PDE7B: variants seen among roughly 807,000 people sequenced by gnomAD.
The protein encoded by PDE7B is 3',5'-cyclic-AMP phosphodiesterase 7B.
Under a neutral mutation model 56.2 loss-of-function variants are expected in PDE7B, and 29 were observed. The observed-to-expected ratio is 0.52, with a 90% CI of 0.38 to 0.70. PDE7B has a LOEUF of 0.70. Ranked by LOEUF, PDE7B falls within the 30% of genes least tolerant of loss-of-function variation. PDE7B has a pLI of 0.00. For missense variants in PDE7B, 490 were observed against 565.0 expected (o/e 0.87, Z 1.35); for synonymous variants, 197 against 196.9 (o/e 1.00, Z 0.00).
intron 6 of PDE7B, among the ~76,000 whole-genome samples, chr6:136,152,722 T>C (rs1353687051): frequency 6.6e-6 from 1 of 152,264 alleles, no homozygotes; most frequent in Non-Finnish European, 1.5e-5. Context: ...TGGCTTCTTT[T>C]TGACTTGCCA....
rs529512235 is a variant in PDE7B at position 136,129,901 on chromosome 6, T to C, written c.167-17450T>C. Among the ~76,000 whole-genome samples, 8 of 152,318 alleles carry C rather than the reference T, an allele frequency of 5.3e-5. No homozygotes were observed. In the South Asian group the frequency reaches 1.7e-3, roughly 32 times the overall value. Reference sequence around the variant, plus strand: ...GCAAGAGAAACCTCAGTGCCAACAGTGCACATCCTTTTTTGTGCATTTCTA... The same window carrying C: ...GCAAGAGAAACCTCAGTGCCAACAGCGCACATCCTTTTTTGTGCATTTCTA... On this transcript the variant is annotated intron_variant, in intron 3 of 12. Coordinates refer to ENST00000308191, the MANE Select transcript of PDE7B (RefSeq NM_018945.4).
At chr6:136,065,901 T>A (rs1776927292) in intron 2 of PDE7B, among the ~76,000 whole-genome samples, 1 of 152,242 alleles carries the variant, frequency 6.6e-6, no homozygotes, top group South Asian at 2.1e-4. Flanking sequence ...CAGTTCTTAG[T>A]AACAATGTGA....
chr6:136,186,800 C>T (rs1779151986), intron 11 of PDE7B, among the ~76,000 whole-genome samples: 1 of 152,186 alleles, frequency 6.6e-6, no homozygotes, highest in South Asian at 2.1e-4. Context: ...CCAGAGCACA[C>T]CTACTAGCAA....
rs186560460 is a variant in PDE7B, at chr6:135,914,877, G to T, written c.22-32587G>T. Among the ~76,000 whole-genome samples the T allele has an allele frequency of 8.9e-4, 135 of 150,908 alleles. 1 individual carries two copies. The highest frequency in any genetic ancestry group is 3.0e-3 in the African/African-American group (124 of 41,396). Reference sequence around the variant, plus strand: ...TGGGAGGCCGAGGTGGGCAGATCACGAGGTCAGGAGTTCGAGACCAGCCTG... The same window carrying T: ...TGGGAGGCCGAGGTGGGCAGATCACTAGGTCAGGAGTTCGAGACCAGCCTG... On this transcript the variant is annotated intron_variant, in intron 1 of 12. Transcript: ENST00000308191.
chr6:136,100,960 A>G (rs1324066634), intron 2 of PDE7B, among the ~76,000 whole-genome samples: 1 of 152,196 alleles, frequency 6.6e-6, no homozygotes, highest in Non-Finnish European at 1.5e-5. Flanking sequence ...TAGTTTATTG[A>G]GAGTTTTTAG....
At chr6:136,108,255 T>A (rs1777684396) in intron 2 of PDE7B, among the ~76,000 whole-genome samples, 1 of 152,098 alleles carries the variant, frequency 6.6e-6, no homozygotes, top group Non-Finnish European at 1.5e-5. Context: ...AAGGCTAGCC[T>A]GTGAGCCGAT....
At chr6:136,028,091 G>A (rs937544231) in intron 2 of PDE7B, among the ~76,000 whole-genome samples, 26 of 152,108 alleles carry the variant, frequency 1.7e-4, no homozygotes, top group African/African-American at 5.3e-4. Context: ...AGCACTTAGC[G>A]TAGGGCAGGC....
chr6:136,173,950 A>G (rs543218079), intron 9 of PDE7B, 62 bp downstream of exon 9: 1 of 1,230,682 alleles, frequency 8.1e-7, no homozygotes, highest in South Asian at 1.2e-5. Flanking sequence ...CACTTTCTCT[A>G]GGGCAGGCTT....
intron 2 of PDE7B, among the ~76,000 whole-genome samples, chr6:136,021,318 G>A (rs1208510927): frequency 1.3e-5 from 2 of 152,098 alleles, no homozygotes; most frequent in Admixed American, 6.5e-5. Flanking sequence ...TTCACATGCC[G>A]ATCCATGTGT....
chr6:135,927,808 G>C (rs1241043696), intron 1 of PDE7B, among the ~76,000 whole-genome samples: 1 of 152,098 alleles, frequency 6.6e-6, no homozygotes, highest in Non-Finnish European at 1.5e-5. Context: ...TTAAACTAAA[G>C]AGTTTTTGCA....
chr6:136,131,432 A>G (rs17708360), intron 3 of PDE7B, among the ~76,000 whole-genome samples: 4,923 of 151,136 alleles, frequency 0.033, 114 homozygotes, highest in Non-Finnish European at 0.05. Context: ...TCAGGAGACT[A>G]TAAGGCTTGG....
At chr6:135,923,100 T>C (rs2128195670) in intron 1 of PDE7B, among the ~76,000 whole-genome samples, 1 of 152,294 alleles carries the variant, frequency 6.6e-6, no homozygotes, top group African/African-American at 2.4e-5. Flanking sequence ...TTTATTAGTG[T>C]TTATTTAAAA....
intron 8 of PDE7B, 65 bp from the exon 9 acceptor site, chr6:136,173,732 T>C: frequency 9.5e-7 from 1 of 1,057,764 alleles, no homozygotes; most frequent in Non-Finnish European, 1.5e-6. Flanking sequence ...TGGAGCTGTG[T>C]TCAGCATGAA....
chr6:136,163,880 T>G (rs867597952), intron 8 of PDE7B, among the ~76,000 whole-genome samples: 2 of 152,208 alleles, frequency 1.3e-5, no homozygotes, highest in African/African-American at 4.8e-5. Flanking sequence ...GCCTAGACTT[T>G]ATTGTCCATA....
intron 6 of PDE7B, among the ~76,000 whole-genome samples, chr6:136,152,977 A>G (rs1423242033): frequency 6.6e-6 from 1 of 152,232 alleles, no homozygotes; most frequent in Non-Finnish European, 1.5e-5. Flanking sequence ...AACTTGCCCA[A>G]TACAGACATT....
At chr6:136,119,430 T>G (rs1243752705) in intron 3 of PDE7B, among the ~76,000 whole-genome samples, 1 of 152,212 alleles carries the variant, frequency 6.6e-6, no homozygotes, top group African/African-American at 2.4e-5. Flanking sequence ...AAAAGAACCT[T>G]TATTTTTCTT....
intron 1 of PDE7B, among the ~76,000 whole-genome samples, chr6:135,927,649 T>C (rs978960127): frequency 1.3e-5 from 2 of 152,110 alleles, no homozygotes; most frequent in South Asian, 2.1e-4. Flanking sequence ...TTTGTGGCTA[T>C]TGTAAATGAT....
chr6:136,151,840 G>A (rs924045901), intron 6 of PDE7B, among the ~76,000 whole-genome samples: 2 of 126,532 alleles, frequency 1.6e-5, no homozygotes, highest in African/African-American at 6.1e-5. Context: ...TTGGGAGGCT[G>A]AGGCAGGGAG....
At chr6:136,094,761 C>T (rs934168567) in intron 2 of PDE7B, 5 of 152,064 alleles carry the variant, frequency 3.3e-5, no homozygotes, top group East Asian at 1.9e-4. Flanking sequence ...TGCTATATTC[C>T]GAGAATCTAG....
Sources: gnomAD v4.1 joint callset for allele counts (sites outside exome capture counted in the v4.1 genomes callset) on GRCh38, gnomAD v4.1.1 for gene constraint, MANE v1.5 for transcripts, NCBI Gene and HGNC (gene_info 2026-07-23, HGNC 2026-07-21) for gene names.